KCTD14: variants seen among roughly 807,000 people sequenced by gnomAD.
KCTD14 encodes the protein potassium channel tetramerization domain containing 14.
KCTD14 carries 7 observed loss-of-function variants against 5.9 expected under a neutral mutation model. The observed-to-expected ratio is 1.19, with a 90% CI of 0.68 to 2.23. The LOEUF (loss-of-function observed/expected upper bound fraction) is 2.23. Among genes scored for constraint, KCTD14 ranks in the 30% most tolerant of loss-of-function variants. The pLI is 0.00. For missense variants in KCTD14, 342 were observed against 332.2 expected (o/e 1.03, Z -0.23); for synonymous variants, 140 against 133.1 (o/e 1.05, Z -0.36).
chr11:78,026,207 C>A (rs1310677798), upstream of KCTD14, among the ~76,000 whole-genome samples: 2 of 152,058 alleles, frequency 1.3e-5, no homozygotes, highest in African/African-American at 4.8e-5. Flanking sequence ...GAGGCCAAGG[C>A]AAGTGGATCA....
chr11:78,017,870 G>T (rs1857213357), intron 1 of KCTD14, among the ~76,000 whole-genome samples: 1 of 152,010 alleles, frequency 6.6e-6, no homozygotes, highest in African/African-American at 2.4e-5. Context: ...GATGAGGCAG[G>T]CAGATCACCT....
Position 78,017,254 on chromosome 11 carries a change from TCCA to T in KCTD14, c.104_106del (p.Val35del). 1 of 1,598,882 alleles carries T rather than the reference TCCA, an allele frequency of 6.3e-7. No individual in the cohort carries two copies. On this transcript the variant is annotated inframe_deletion, in exon 2 of 2. Transcript: ENST00000353172. The stretch of plus-strand genomic sequence containing the variant: ...GTGGAACTCACCCCCGACGTTCAGC[TCCA>T]CAACAGTAGACATCTGGGGGCACAA...
chr11:78,016,469 G>T lies in KCTD14; in HGVS notation c.*124C>A. On this transcript the variant is annotated 3_prime_UTR_variant, in exon 2 of 2. Coordinates refer to ENST00000353172, the MANE Select transcript of KCTD14 (RefSeq NM_023930.4). ...TTAAACGAGTGATCAATATTTAGTG[G>T]CAAGACTCTAGACCAACCCTGGAAA... The T allele has an allele frequency of 1.3e-6, 1 of 781,670 alleles. No homozygotes were observed. Among genetic ancestry groups the T allele is most frequent in the South Asian group, 1.9e-5 (1 of 53,464 alleles). The allele number at this position is 781,670 out of a possible 1,614,324, so 48.4% of individuals were successfully genotyped here. A position where few individuals can be genotyped will look rare whatever the true frequency, so the allele number is the denominator to read the frequency against.
At chr11:78,023,522 T>C (rs145167692), upstream of KCTD14, 2,180 of 439,866 alleles carry the variant, frequency 5.0e-3, 4 homozygotes, top group Admixed American at 7.8e-3. Flanking sequence ...TTCTTTCTTT[T>C]TTTTTTTTCA....
intron 1 of KCTD14, among the ~76,000 whole-genome samples, chr11:78,039,957 G>A (rs12361342): frequency 0.34 from 51,887 of 151,994 alleles, 10,007 homozygotes; most frequent in South Asian, 0.42. Flanking sequence ...GTGCTGCAGT[G>A]AGCATCCTTG....
rs755140266 is a variant in KCTD14 at position 78,023,157 on chromosome 11, T to G, written c.90+3A>C. 1 of 1,579,928 alleles carries G rather than the reference T, an allele frequency of 6.3e-7. No individual in the cohort carries two copies. The highest frequency in any genetic ancestry group is 1.7e-5 in the Admixed American group (1 of 58,258). ...GCGGGGACGCAGCTAGCCTCGCACT[T>G]ACCGTTGGCCGCCTGGGCCGGGGGG... is the stretch of plus-strand genomic sequence containing the variant. On this transcript the variant is annotated splice_donor_region_variant and intron_variant, in intron 1 of 1. Transcript: ENST00000353172.
At chr11:78,042,329 GA>G (rs1219473681) in intron 1 of KCTD14, among the ~76,000 whole-genome samples, 1 of 152,162 alleles carries the variant, frequency 6.6e-6, no homozygotes, top group Non-Finnish European at 1.5e-5. Context: ...TCAACATGGT[GA>G]AAACCCATCT....
chr11:78,034,856 GC>G (rs879639253), intron 2 of KCTD14, among the ~76,000 whole-genome samples: 1 of 152,074 alleles, frequency 6.6e-6, no homozygotes, highest in Non-Finnish European at 1.5e-5. Context: ...TTTCCACCCT[GC>G]TTTTATTCAC....
At position 78,017,022 on chromosome 11, in the gene KCTD14, G is replaced by A. The variant is rs143415219; in HGVS notation, c.339C>T (p.Tyr113=). The A allele has an allele frequency of 3.1e-5, 50 of 1,614,098 alleles. No individual in the cohort carries two copies. Among genetic ancestry groups the A allele is most frequent in the Admixed American group, 2.8e-4 (17 of 59,998 alleles). Residue 113 remains tyrosine, a synonymous_variant, in exon 2 of 2, where the codon TAC becomes TAT. Coordinates refer to ENST00000353172, the MANE Select transcript of KCTD14 (RefSeq NM_023930.4). ...GCAGCTTGACCAAAGGCTTGATTTC[G>A]TAGAACTGAGCCTCACGGTACACTT... ...IPEVYREAQF[Y]EIKPLVKLLE... is the part of the protein sequence containing the mutation.
chr11:78,017,324 A>G (rs930826817), intron 1 of KCTD14, 54 bp from the exon 2 acceptor site: 8 of 1,509,790 alleles, frequency 5.3e-6, no homozygotes, highest in Admixed American at 2.3e-5. Context: ...TGAGCGCATT[A>G]CTTATTTTTA....
intron 2 of KCTD14, among the ~76,000 whole-genome samples, chr11:78,035,415 C>T (rs929373615): frequency 4.6e-5 from 7 of 152,086 alleles, no homozygotes; most frequent in African/African-American, 1.2e-4. Flanking sequence ...GGTCCCAGCC[C>T]GTGATAGCTG....
intron 1 of KCTD14, among the ~76,000 whole-genome samples, chr11:78,043,007 G>A (rs951815555): frequency 3.3e-5 from 5 of 152,226 alleles, no homozygotes; most frequent in African/African-American, 1.2e-4. Flanking sequence ...GGTTGACAAA[G>A]ACAAGGGAAG....
intron 2 of KCTD14, among the ~76,000 whole-genome samples, chr11:78,033,494 C>T (rs888294238): frequency 1.3e-5 from 2 of 151,972 alleles, no homozygotes; most frequent in South Asian, 4.2e-4. Flanking sequence ...CCAGCCTGGC[C>T]AACATGGTGA....
chr11:78,030,516 G>A (rs1487957975), intron 2 of KCTD14, among the ~76,000 whole-genome samples: 4 of 152,152 alleles, frequency 2.6e-5, no homozygotes, highest in African/African-American at 9.7e-5. Context: ...TTGATGCTAT[G>A]GCAACAAAAG....
At chr11:78,028,478 C>T (rs572636515) in intron 2 of KCTD14, among the ~76,000 whole-genome samples, 21 of 152,040 alleles carry the variant, frequency 1.4e-4, no homozygotes, top group Admixed American at 1.3e-3. Context: ...TGGCATGCGC[C>T]TATAGTCCCA....
At chr11:78,020,120 G>A (rs968193147) in intron 1 of KCTD14, among the ~76,000 whole-genome samples, 1 of 152,228 alleles carries the variant, frequency 6.6e-6, no homozygotes, top group African/African-American at 2.4e-5. Flanking sequence ...AAGACTGAAA[G>A]GTAGGAGGGG....
chr11:78,025,902 A>T (rs1027237046), upstream of KCTD14, among the ~76,000 whole-genome samples: 2 of 152,226 alleles, frequency 1.3e-5, no homozygotes, highest in African/African-American at 4.8e-5. Flanking sequence ...GAAACTTTAC[A>T]TTGGGGAAAC....
intron 1 of KCTD14, among the ~76,000 whole-genome samples, chr11:78,045,146 C>T (rs1858100395): frequency 6.6e-6 from 1 of 152,186 alleles, no homozygotes. Flanking sequence ...CTTTGTCACC[C>T]AGGCTGGAGG....
chr11:78,030,970 T>C (rs1284176791), intron 2 of KCTD14, among the ~76,000 whole-genome samples: 1 of 152,078 alleles, frequency 6.6e-6, no homozygotes, highest in East Asian at 1.9e-4. Context: ...CTACATCAGA[T>C]TGATCTGACT....
Sources: allele counts gnomAD v4.1 joint callset (sites outside exome capture counted in the v4.1 genomes callset), GRCh38; gene constraint gnomAD v4.1.1; transcripts MANE v1.5; gene names NCBI Gene and HGNC (gene_info 2026-07-23, HGNC 2026-07-21).